The following GPC5 variants were observed in gnomAD, a reference collection of about 807,000 sequenced individuals.
GPC5 encodes glypican 5.
Under a neutral mutation model 53.9 loss-of-function variants are expected in GPC5, and 47 were observed. The ratio of observed to expected loss-of-function variants is 0.87; its 90% CI spans 0.69 to 1.11. The LOEUF (loss-of-function observed/expected upper bound fraction) is 1.11. Ranked by LOEUF, GPC5 falls within the 50% of genes most tolerant of loss-of-function variation. The pLI is 0.00. For missense variants in GPC5, 748 were observed against 713.1 expected (o/e 1.05, Z -0.56); for synonymous variants, 286 against 263.3 (o/e 1.09, Z -0.84).
chr13:92,207,640 A>T (rs2042346967), intron 7 of GPC5, among the ~76,000 whole-genome samples: 1 of 152,216 alleles, frequency 6.6e-6, no homozygotes. Flanking sequence ...CTAGAGACAT[A>T]TAATCCAGCC....
In GPC5 at chr13:92,509,520, G is replaced by A. The variant is rs577322680; in HGVS notation, c.1562-356762G>A. 7 of 151,980 alleles carry A rather than the reference G, an allele frequency of 4.6e-5. No individual in the cohort carries two copies. In the East Asian group the frequency reaches 7.7e-4, roughly 17 times the overall value. 9.4% of individuals were successfully genotyped at this position (151,980 alleles called of 1,614,324 possible). The stretch of plus-strand genomic sequence containing the variant: ...ATTACTTTCTTCCTTCAGTGACCAC[G>A]ATAGTGCCTCATGCAAAGGAGACAT... On this transcript the variant is annotated intron_variant, in intron 7 of 7. Transcript: ENST00000377067.
At chr13:92,757,667 C>T (rs1400419302) in intron 7 of GPC5, among the ~76,000 whole-genome samples, 1 of 129,850 alleles carries the variant, frequency 7.7e-6, no homozygotes, top group Non-Finnish European at 1.8e-5. Context: ...AAAAAGTGGG[C>T]AAAGGACATG....
At chr13:91,992,192 T>G (rs2138736637) in intron 6 of GPC5, among the ~76,000 whole-genome samples, 1 of 152,186 alleles carries the variant, frequency 6.6e-6, no homozygotes, top group East Asian at 1.9e-4. Flanking sequence ...ACACTATTCC[T>G]GGCTAATTTT....
chr13:91,693,546 C>T lies in GPC5; in HGVS notation c.685C>T (p.Leu229Phe), dbSNP rs374749212. The T allele has an allele frequency of 2.5e-6, 4 of 1,614,084 alleles. No homozygotes were observed. In the South Asian group the frequency reaches 3.3e-5, roughly 13 times the overall value. The change falls in exon 3 of 8, where the codon CTC becomes TTC. Residue 229 changes from leucine to phenylalanine, a missense_variant. By Grantham distance (22) the Leu-to-Phe change is conservative. Coordinates refer to ENST00000377067, the MANE Select transcript of GPC5 (RefSeq NM_004466.6). Reference sequence around the variant, plus strand: ...GCCCAGCCGCACTTTTCTGCAGGCACTCAATCTGGGCATTGAAGTCATCAA... The same window carrying T: ...GCCCAGCCGCACTTTTCTGCAGGCATTCAATCTGGGCATTGAAGTCATCAA... ...LLPSRTFLQA[L>F]NLGIEVINTT...
intron 7 of GPC5, among the ~76,000 whole-genome samples, chr13:92,430,012 A>C (rs1429897490): frequency 6.6e-6 from 1 of 152,064 alleles, no homozygotes; most frequent in Non-Finnish European, 1.5e-5. Context: ...GAGGTAACGC[A>C]TATGTTATCT....
At chr13:91,664,073 A>C (rs1257683817) in intron 2 of GPC5, among the ~76,000 whole-genome samples, 1 of 152,248 alleles carries the variant, frequency 6.6e-6, no homozygotes, top group Non-Finnish European at 1.5e-5. Flanking sequence ...TAATATAATG[A>C]AAGATACTTT....
intron 2 of GPC5, among the ~76,000 whole-genome samples, chr13:91,508,648 A>G (rs540061182): frequency 4.5e-4 from 68 of 152,330 alleles, no homozygotes; most frequent in African/African-American, 1.6e-3. Context: ...TCAAGGTGGA[A>G]TTTCAAATAA....
intron 6 of GPC5, among the ~76,000 whole-genome samples, chr13:92,018,751 TATAATC>T (rs1398917128): frequency 6.6e-6 from 1 of 152,122 alleles, no homozygotes; most frequent in Non-Finnish European, 1.5e-5. Flanking sequence ...TATAATTAGT[TATAATC>T]ATAAATAATC....
At chr13:92,167,390 A>G (rs1001967077) in intron 7 of GPC5, among the ~76,000 whole-genome samples, 1 of 152,214 alleles carries the variant, frequency 6.6e-6, no homozygotes, top group Non-Finnish European at 1.5e-5. Flanking sequence ...CAAATGATAT[A>G]AAACTTCAGA....
intron 7 of GPC5, among the ~76,000 whole-genome samples, chr13:92,403,489 A>ATAATG (rs1875650742): frequency 6.6e-6 from 1 of 152,054 alleles, no homozygotes; most frequent in Non-Finnish European, 1.5e-5. Context: ...GGGAACACAA[A>ATAATG]CCCTATTGTG....
At chr13:92,304,316 T>G (rs932443012) in intron 7 of GPC5, among the ~76,000 whole-genome samples, 2 of 151,940 alleles carry the variant, frequency 1.3e-5, no homozygotes, top group African/African-American at 4.8e-5. Flanking sequence ...ATCATTCTCC[T>G]GCCTCAGCCT....
chr13:91,763,977 A>T (rs1372242982), intron 5 of GPC5, among the ~76,000 whole-genome samples: 1 of 152,202 alleles, frequency 6.6e-6, no homozygotes, highest in African/African-American at 2.4e-5. Context: ...TACAATGTAA[A>T]TGCTGTGTAA....
At chr13:92,084,241 C>A (rs571138031) in intron 6 of GPC5, among the ~76,000 whole-genome samples, 4 of 152,324 alleles carry the variant, frequency 2.6e-5, no homozygotes, top group South Asian at 4.1e-4. Flanking sequence ...ACCTATGTAA[C>A]AAACCTGCAC....
chr13:91,713,960 C>T (rs1265191023), intron 3 of GPC5, among the ~76,000 whole-genome samples: 2 of 152,172 alleles, frequency 1.3e-5, no homozygotes, highest in Non-Finnish European at 2.9e-5. Context: ...CTCTCCTCCA[C>T]TGCCCTATCC....
intron 5 of GPC5, among the ~76,000 whole-genome samples, chr13:91,773,209 A>C (rs796827540): frequency 5.3e-5 from 8 of 152,328 alleles, no homozygotes; most frequent in African/African-American, 1.7e-4. Context: ...TCCTCCTTAG[A>C]TATTTAGTAA....
intron 7 of GPC5, among the ~76,000 whole-genome samples, chr13:92,468,327 A>G (rs67177998): frequency 0.15 from 22,405 of 152,118 alleles, 1,805 homozygotes; most frequent in South Asian, 0.21. Context: ...CAGGAAGTGA[A>G]GTGGGAATAG....
At chr13:92,848,421 T>C (rs554009409) in intron 7 of GPC5, among the ~76,000 whole-genome samples, 1 of 152,270 alleles carries the variant, frequency 6.6e-6, no homozygotes, top group East Asian at 1.9e-4. Flanking sequence ...TGTTCGTTTA[T>C]ATATCAAACT....
chr13:91,463,968 A>G (rs1225175865), intron 2 of GPC5, among the ~76,000 whole-genome samples: 1 of 152,130 alleles, frequency 6.6e-6, no homozygotes, highest in East Asian at 1.9e-4. Context: ...AAAACACTGT[A>G]AGCAAATAAT....
chr13:92,342,231 C>T (rs1253282397), intron 7 of GPC5, among the ~76,000 whole-genome samples: 2 of 152,078 alleles, frequency 1.3e-5, no homozygotes, highest in South Asian at 2.1e-4. Context: ...CTGCTCTGAG[C>T]TCTACTTTTT....
Sources: allele counts gnomAD v4.1 joint callset (sites outside exome capture counted in the v4.1 genomes callset), GRCh38; gene constraint gnomAD v4.1.1; transcripts MANE v1.5; gene names NCBI Gene and HGNC (gene_info 2026-07-23, HGNC 2026-07-21).